STIM1: variants seen among roughly 807,000 people sequenced by gnomAD.
STIM1 encodes the protein stromal interaction molecule 1.
In STIM1, 25 loss-of-function variants were observed where a neutral mutation model predicts 74.7. The ratio of observed to expected loss-of-function variants is 0.33; its 90% CI spans 0.24 to 0.47. STIM1 has a LOEUF of 0.47. Among genes scored for constraint, STIM1 ranks in the 20% least tolerant of loss-of-function variants. The pLI is 1.00. For missense variants in STIM1, 728 were observed against 920.8 expected (o/e 0.79, Z 2.71); for synonymous variants, 328 against 348.8 (o/e 0.94, Z 0.66).
intron 1 of STIM1, among the ~76,000 whole-genome samples, chr11:3,909,993 G>T (rs1590555581): frequency 6.6e-6 from 1 of 152,036 alleles, no homozygotes. Flanking sequence ...ATGTGTATGA[G>T]GTGACAAAAT....
At position 4,092,099 on chromosome 11, in the gene STIM1, G is replaced by T. The variant is rs2094528499; in HGVS notation, c.*301G>T. 2.2e-6 allele frequency: 1 copy of T among 463,770 alleles called. No individual in the cohort carries two copies. The highest frequency in any genetic ancestry group is 4.0e-6 in the Non-Finnish European group (1 of 252,818). 28.7% of individuals were successfully genotyped at this position (463,770 alleles called of 1,614,324 possible). On this transcript the variant is annotated 3_prime_UTR_variant, in exon 13 of 13. Coordinates refer to ENST00000526596, the MANE Select transcript of STIM1 (RefSeq NM_001382567.1). The stretch of plus-strand genomic sequence containing the variant: ...CCTCAGCTCCCAGCTCCACCTCTGG[G>T]GTTCAGCTTCTGTCTCTGCTGTCCC...
At chr11:4,039,140 A>C (rs1174114754) in intron 3 of STIM1, among the ~76,000 whole-genome samples, 1 of 152,140 alleles carries the variant, frequency 6.6e-6, no homozygotes, top group Admixed American at 6.6e-5. Flanking sequence ...TTGATGAAAA[A>C]AAATTATAGA....
intron 3 of STIM1, among the ~76,000 whole-genome samples, chr11:4,053,091 G>T (rs1328441544): frequency 6.6e-6 from 1 of 152,238 alleles, no homozygotes; most frequent in Admixed American, 6.5e-5. Flanking sequence ...ACAGGTGCTG[G>T]AGAGGACGTG....
chr11:3,924,477 C>T (rs569873768), intron 1 of STIM1, among the ~76,000 whole-genome samples: 11 of 152,260 alleles, frequency 7.2e-5, no homozygotes, highest in South Asian at 6.2e-4. Context: ...AGATTACAGG[C>T]GTGAGCCACT....
chr11:4,037,086 C>T lies in STIM1; in HGVS notation c.385+13099C>T, dbSNP rs112318600. ...CTTTTTTTTTTTTGAGATGGAGTCT[C>T]GCTCTGTTGCCCAGGCTAGAGTGCA... On this transcript the variant is annotated intron_variant, in intron 3 of 12. Coordinates refer to ENST00000526596, the MANE Select transcript of STIM1 (RefSeq NM_001382567.1). Among the ~76,000 whole-genome samples the T allele has an allele frequency of 2.3e-3, 348 of 150,320 alleles. 3 individuals are homozygous for T. The highest frequency in any genetic ancestry group is 7.9e-3 in the African/African-American group (324 of 40,874).
chr11:4,086,355 T>C (rs2094492903), intron 11 of STIM1, 122 bp from the exon 12 acceptor site: 3 of 1,138,646 alleles, frequency 2.6e-6, no homozygotes, highest in Non-Finnish European at 3.8e-6. Flanking sequence ...GGTGCCCCAT[T>C]CTCCAGATTG....
chr11:3,933,699 C>A (rs1288504966), intron 1 of STIM1, among the ~76,000 whole-genome samples: 5 of 152,142 alleles, frequency 3.3e-5, no homozygotes, highest in African/African-American at 1.2e-4. Flanking sequence ...CTCTTCCCCG[C>A]CGCCCGCCGT....
intron 1 of STIM1, among the ~76,000 whole-genome samples, chr11:3,861,807 C>T (rs568688249): frequency 2.0e-5 from 3 of 152,242 alleles, no homozygotes; most frequent in South Asian, 4.2e-4. Flanking sequence ...GGATATGGGG[C>T]CTTCGTGTTA....
chr11:3,865,468 G>A (rs929981543), intron 1 of STIM1, among the ~76,000 whole-genome samples: 5 of 152,156 alleles, frequency 3.3e-5, no homozygotes, highest in African/African-American at 7.2e-5. Flanking sequence ...ATTGGTCTGG[G>A]TACAATTAGG....
chr11:3,964,130 T>G (rs2093317424), intron 1 of STIM1, among the ~76,000 whole-genome samples: 1 of 152,232 alleles, frequency 6.6e-6, no homozygotes, highest in African/African-American at 2.4e-5. Flanking sequence ...CAATATCTTA[T>G]GGTTTGTAAT....
At chr11:4,067,766 T>C (rs2094377600) in intron 5 of STIM1, among the ~76,000 whole-genome samples, 1 of 152,232 alleles carries the variant, frequency 6.6e-6, no homozygotes, top group African/African-American at 2.4e-5. Context: ...TTTCTCTATT[T>C]CCCTTCCTTT....
intron 1 of STIM1, among the ~76,000 whole-genome samples, chr11:3,907,108 G>C (rs948060082): frequency 6.6e-5 from 10 of 152,102 alleles, no homozygotes; most frequent in African/African-American, 2.4e-4. Context: ...TTAGAGGTTG[G>C]GCACTGAAGT....
intron 12 of STIM1, chr11:4,088,727 C>A: frequency 6.5e-7 from 1 of 1,535,838 alleles, no homozygotes. Context: ...GGCAAACAGG[C>A]TCTCTAGTAA....
rs2094527387 is a variant in STIM1, at chr11:4,091,875, G to T, written c.*77G>T. On this transcript the variant is annotated 3_prime_UTR_variant, in exon 13 of 13. Transcript: ENST00000526596. ...TCTCTCCTTCCCTCCCTTCCTTCAA[G>T]ATAACTGGCCCCAAGAGTGGGGCAT... is the stretch of plus-strand genomic sequence containing the variant. The T allele has an allele frequency of 6.3e-7, 1 of 1,580,958 alleles. No individual in the cohort carries two copies. Among genetic ancestry groups the T allele is most frequent in the Non-Finnish European group, 8.6e-7 (1 of 1,169,216 alleles).
At chr11:3,957,049 T>A (rs1430346280) in intron 1 of STIM1, among the ~76,000 whole-genome samples, 5 of 151,964 alleles carry the variant, frequency 3.3e-5, no homozygotes, top group African/African-American at 1.2e-4. Context: ...AACCAAGGAA[T>A]AAATATATCA....
Position 4,091,709 on chromosome 11 carries a change from G to C in STIM1, c.2062G>C (p.Asp688His). Residue 688 changes from aspartate to histidine, a missense_variant, in exon 13 of 13, where the codon GAT (aspartate) becomes CAT (histidine). By Grantham distance (81) the Asp-to-His change is moderately conservative (BLOSUM62 -1). Coordinates refer to ENST00000526596, the MANE Select transcript of STIM1 (RefSeq NM_001382567.1). ...TGGCAAGAAGGCTGTGGCTGAGGAG[G>C]ATAATGGCTCTATTGGCGAGGAAAC... Reference protein sequence around the residue: ...LAGKKAVAEEDNGSIGEETDS... With the variant: ...LAGKKAVAEEHNGSIGEETDS... 1 of 1,614,146 alleles carries C rather than the reference G, an allele frequency of 6.2e-7. No individual in the cohort carries two copies. The highest frequency in any genetic ancestry group is 8.5e-7 in the Non-Finnish European group (1 of 1,180,052).
At chr11:3,903,746 T>C (rs966419870) in intron 1 of STIM1, 5 of 152,214 alleles carry the variant, frequency 3.3e-5, no homozygotes, top group African/African-American at 1.2e-4. Context: ...GGACTGATAG[T>C]CTGGTTGCTT....
chr11:3,891,898 A>G (rs1565103224), intron 1 of STIM1, among the ~76,000 whole-genome samples: 1 of 152,264 alleles, frequency 6.6e-6, no homozygotes, highest in Non-Finnish European at 1.5e-5. Flanking sequence ...GAAAACAGCC[A>G]TAGATAATAT....
intron 12 of STIM1, chr11:4,088,917 G>C: frequency 1.6e-6 from 1 of 633,774 alleles, no homozygotes; most frequent in Non-Finnish European, 2.8e-6. Flanking sequence ...CCAACTTTTA[G>C]CTGATGAGAG....
Sources: gnomAD v4.1 joint callset for allele counts (sites outside exome capture counted in the v4.1 genomes callset) on GRCh38, gnomAD v4.1.1 for gene constraint, MANE v1.5 for transcripts, NCBI Gene and HGNC (gene_info 2026-07-23, HGNC 2026-07-21) for gene names.